Variants in ATP8B4 observed in about 807,000 individuals in gnomAD.
ATP8B4 encodes ATPase phospholipid transporting 8B4 (putative).
ATP8B4 carries 133 observed loss-of-function variants against 145.6 expected under a neutral mutation model. The observed-to-expected ratio is 0.91, with a 90% confidence interval of 0.79 to 1.05. The LOEUF (loss-of-function observed/expected upper bound fraction) is 1.05, where lower values mean the gene tolerates loss of function less well. Among genes scored for constraint, ATP8B4 ranks in the 50% least tolerant of loss-of-function variants. The pLI is 0.00. For synonymous variants in ATP8B4, 507 were observed against 492.9 expected (o/e 1.03, Z -0.38); for missense variants, 1,458 against 1,425.2 (o/e 1.02, Z -0.37).
chr15:50,162,670 C>A (rs1439549742), intron 1 of ATP8B4, among the ~76,000 whole-genome samples: 1 of 152,122 alleles, frequency 6.6e-6, no homozygotes, highest in African/African-American at 2.4e-5. Context: ...CCACGCCCGG[C>A]TAATTTTTTG....
intron 23 of ATP8B4, among the ~76,000 whole-genome samples, chr15:49,888,012 T>C (rs1263360428): frequency 6.6e-6 from 1 of 152,228 alleles, no homozygotes; most frequent in Non-Finnish European, 1.5e-5. Context: ...TTCCTATGTG[T>C]TGCAGAGGAA....
intron 14 of ATP8B4, among the ~76,000 whole-genome samples, chr15:49,952,074 A>T (rs772106453): frequency 2.0e-5 from 3 of 152,184 alleles, no homozygotes; most frequent in Non-Finnish European, 4.4e-5. Flanking sequence ...TGATAGTCTG[A>T]TGGGCTTCCC....
intron 9 of ATP8B4, 129 bp from the exon 10 acceptor site, chr15:49,987,678 G>A (rs2046734897): frequency 3.1e-6 from 3 of 967,040 alleles, no homozygotes; most frequent in Non-Finnish European, 4.3e-6. Flanking sequence ...AAAGAATTGT[G>A]CTAGAAAAAA....
intron 23 of ATP8B4, among the ~76,000 whole-genome samples, chr15:49,889,111 T>TA (rs1304871173): frequency 8.7e-4 from 128 of 147,414 alleles, no homozygotes; most frequent in East Asian, 8.5e-3. Flanking sequence ...ACAGTATTTT[T>TA]AAAAAAAAAA....
intron 19 of ATP8B4, among the ~76,000 whole-genome samples, chr15:49,918,122 AG>A (rs1332041330): frequency 6.6e-6 from 1 of 152,276 alleles, no homozygotes; most frequent in African/African-American, 2.4e-5. Flanking sequence ...CAAATAGCCA[AG>A]CATAAAATCA....
chr15:49,994,209 C>G (rs2047242498), intron 9 of ATP8B4, among the ~76,000 whole-genome samples: 1 of 152,130 alleles, frequency 6.6e-6, no homozygotes, highest in Non-Finnish European at 1.5e-5. Flanking sequence ...ACCATGCCAG[C>G]TGATCCCTCT....
chr15:50,133,597 A>C (rs971841434), intron 1 of ATP8B4, among the ~76,000 whole-genome samples: 1 of 152,112 alleles, frequency 6.6e-6, no homozygotes, highest in Non-Finnish European at 1.5e-5. Flanking sequence ...TGTATCAAAA[A>C]TAAAAAACAA....
At position 49,972,589 on chromosome 15, in the gene ATP8B4, T is replaced by G. The variant is rs777831552; in HGVS notation, c.1236A>C (p.Arg412Ser). ...MTFKRCSING[R>S]IYGEVHDDLD... ...AGGAACTGTTTCTCTTACCATAGATTCTCCCATTAATGGAACATCTTTTAA... is the reference window on the plus strand; with the variant it reads ...AGGAACTGTTTCTCTTACCATAGATGCTCCCATTAATGGAACATCTTTTAA... The change falls in exon 13 of 28, where the codon AGA (arginine) becomes AGC (serine). Residue 412 changes from arginine to serine, a missense_variant. Coordinates refer to ENST00000284509, the MANE Select transcript of ATP8B4 (RefSeq NM_024837.4). The G allele has an allele frequency of 2.4e-5, 38 of 1,612,242 alleles. No homozygotes were observed. In the East Asian group the frequency reaches 8.5e-4, roughly 36 times the overall value.
At chr15:50,056,722 C>CAT (rs2052632061) in intron 3 of ATP8B4, among the ~76,000 whole-genome samples, 1 of 147,902 alleles carries the variant, frequency 6.8e-6, no homozygotes, top group Non-Finnish European at 1.5e-5. Context: ...TATATACACA[C>CAT]ACACACACAC....
At chr15:50,115,862 T>C (rs1248612714) in intron 1 of ATP8B4, among the ~76,000 whole-genome samples, 1 of 152,202 alleles carries the variant, frequency 6.6e-6, no homozygotes, top group Non-Finnish European at 1.5e-5. Context: ...AGCATTGCCA[T>C]GGTCAAGATC....
intron 9 of ATP8B4, among the ~76,000 whole-genome samples, chr15:49,991,727 T>G (rs555341870): frequency 6.5e-4 from 99 of 152,288 alleles, no homozygotes; most frequent in Non-Finnish European, 1.2e-4. Context: ...CTCTCTTGTG[T>G]GCACTGGTCT....
chr15:50,127,350 A>T (rs1476395088), intron 1 of ATP8B4, among the ~76,000 whole-genome samples: 1 of 152,254 alleles, frequency 6.6e-6, no homozygotes, highest in African/African-American at 2.4e-5. Flanking sequence ...ATGGGCAGGC[A>T]GATTAACTGA....
intron 3 of ATP8B4, among the ~76,000 whole-genome samples, chr15:50,067,366 T>A (rs900002616): frequency 2.0e-5 from 3 of 152,166 alleles, no homozygotes; most frequent in Non-Finnish European, 4.4e-5. Context: ...ACCCAAACCA[T>A]AATTCCTCAT....
At position 49,931,173 on chromosome 15, in the gene ATP8B4, G is replaced by A. The variant is rs2041221053; in HGVS notation, c.1588C>T (p.Gln530Ter). 6.2e-7 allele frequency: 1 copy of A among 1,612,376 alleles called. No individual in the cohort carries two copies. The highest frequency in any genetic ancestry group is 8.5e-7 in the Non-Finnish European group (1 of 1,178,966). The change falls in exon 16 of 28, where the codon CAA becomes TAA. Residue 530 changes from glutamine to a stop codon, truncating the protein, a stop_gained. Transcript: ENST00000284509. LOFTEE classifies it high-confidence loss of function. ...TTGAAATCCAAAAAGGCAAGTAATT[G>A]ATAAGTAACTAGTGTTCCCAATTCT... ...IEELGTLVTY[Q>*]LLAFLDFNNT...
chr15:50,090,293 G>A (rs931236864), intron 2 of ATP8B4, among the ~76,000 whole-genome samples: 2 of 152,140 alleles, frequency 1.3e-5, no homozygotes, highest in African/African-American at 4.8e-5. Flanking sequence ...CAGGTTGATA[G>A]ATGCAGCAAA....
At chr15:50,037,042 T>C (rs748260867) in intron 6 of ATP8B4, among the ~76,000 whole-genome samples, 1 of 152,224 alleles carries the variant, frequency 6.6e-6, no homozygotes, top group African/African-American at 2.4e-5. Context: ...GTGGGAGACA[T>C]ATAGTCATCA....
intron 14 of ATP8B4, among the ~76,000 whole-genome samples, chr15:49,950,615 C>A (rs868576900): frequency 0.086 from 6,760 of 78,710 alleles, 304 homozygotes; most frequent in Non-Finnish European, 0.11. Context: ...AACAAACAAA[C>A]AAACAAAAAA....
At chr15:50,137,674 G>C (rs968783714) in intron 1 of ATP8B4, among the ~76,000 whole-genome samples, 1 of 152,170 alleles carries the variant, frequency 6.6e-6, no homozygotes, top group Non-Finnish European at 1.5e-5. Context: ...TGCACCATGA[G>C]GCATCTGATG....
In ATP8B4 at chr15:50,139,510, G is replaced by A. The variant is rs571161625; in HGVS notation, c.-42-32502C>T. Among the ~76,000 whole-genome samples, 4 of 152,174 alleles carry A rather than the reference G, an allele frequency of 2.6e-5. No homozygotes were observed. The East Asian group carries it at 5.8e-4, about 22-fold the overall frequency. On this transcript the variant is annotated intron_variant, in intron 1 of 3. Transcript: ENST00000558829. ...GTGCAGAGCTTAAAACCTAGATGAC[G>A]GGTTGATAGGTGCGGTAAACCACCA... is the stretch of plus-strand genomic sequence containing the variant.
Sources: allele counts gnomAD v4.1 joint callset (sites outside exome capture counted in the v4.1 genomes callset), GRCh38; gene constraint gnomAD v4.1.1; transcripts MANE v1.5; gene names NCBI Gene and HGNC (gene_info 2026-07-23, HGNC 2026-07-21).